The following SP140 variants were observed in gnomAD, a reference collection of about 807,000 sequenced individuals.
SP140 encodes the protein SP140 nuclear body protein.
A neutral mutation model predicts 125.0 loss-of-function variants in SP140; 81 were observed. The observed-to-expected ratio is 0.65, with a 90% CI of 0.54 to 0.78. The LOEUF is 0.78. Ranked by LOEUF, SP140 falls within the 30% of genes least tolerant of loss-of-function variation. The pLI is 0.00. For missense variants in SP140, 858 were observed against 1,037.0 expected (o/e 0.83, Z 2.37); for synonymous variants, 312 against 354.0 (o/e 0.88, Z 1.33).
intron 12 of SP140, among the ~76,000 whole-genome samples, chr2:230,258,596 T>C (rs2051648530): frequency 6.6e-6 from 1 of 152,234 alleles, no homozygotes; most frequent in African/African-American, 2.4e-5. Flanking sequence ...ATTATAGCAT[T>C]CTGGTTTTAG....
At chr2:230,212,766 G>A in intron 1 of SP140, 1 of 1,614,134 alleles carries the variant, frequency 6.2e-7, no homozygotes, top group Non-Finnish European at 8.5e-7. Flanking sequence ...CTCACCTGAA[G>A]TGCTTCTTCC....
chr2:230,255,332 G>T, intron 11 of SP140, 120 bp from the exon 12 acceptor site: 4 of 1,132,580 alleles, frequency 3.5e-6, no homozygotes, highest in Non-Finnish European at 5.2e-6. Flanking sequence ...GAGGACCTGG[G>T]TGGGGGACAG....
intron 12 of SP140, among the ~76,000 whole-genome samples, chr2:230,257,130 A>G (rs199868975): frequency 8.5e-5 from 13 of 152,246 alleles, no homozygotes; most frequent in African/African-American, 1.4e-4. Flanking sequence ...TCTGAGTCCA[A>G]TGTGGATGCC....
At chr2:230,299,086 G>C (rs1160186659) in intron 22 of SP140, among the ~76,000 whole-genome samples, 1 of 152,208 alleles carries the variant, frequency 6.6e-6, no homozygotes, top group African/African-American at 2.4e-5. Flanking sequence ...TAGGAGGCAG[G>C]ACTAACTTGC....
In SP140 at chr2:230,251,049, A is replaced by G; in HGVS notation, c.1045A>G (p.Arg349Gly). 1 of 1,613,374 alleles carries G rather than the reference A, an allele frequency of 6.2e-7. No individual in the cohort carries two copies. The highest frequency in any genetic ancestry group is 8.5e-7 in the Non-Finnish European group (1 of 1,179,754). ...CCAGGAAGCCTCTAGCTCCCTAGCAAGATGTGGGTCAGGTAAAGAAGGGGA... is the reference window on the plus strand; with the variant it reads ...CCAGGAAGCCTCTAGCTCCCTAGCAGGATGTGGGTCAGGTAAAGAAGGGGA... ...EPQEASSSLA[R>G]CGSVSCLSAE... is the part of the protein sequence containing the mutation. Residue 349 changes from arginine to glycine, a missense_variant, in exon 10 of 27, where the codon AGA becomes GGA. Arg to Gly is a moderately radical substitution (Grantham distance 125). This residue lies in a region of SP140 where 791 missense variants were observed against 869.5 expected (regional missense o/e 0.91). Transcript: ENST00000392045.
intron 3 of SP140, 102 bp downstream of exon 3, chr2:230,238,483 A>T: frequency 1.7e-6 from 2 of 1,151,550 alleles, no homozygotes; most frequent in South Asian, 1.4e-5. Flanking sequence ...TGACTGAGTG[A>T]CTATTACATG....
chr2:230,210,293 A>G (rs41552220), intron 1 of SP140, among the ~76,000 whole-genome samples: 6,210 of 152,280 alleles, frequency 0.041, 297 homozygotes, highest in African/African-American at 0.12. Context: ...TGAGTGAAGA[A>G]GGTGCAATGA....
intron 15 of SP140, among the ~76,000 whole-genome samples, chr2:230,277,703 CT>C (rs1424561843): frequency 2.6e-5 from 4 of 152,068 alleles, no homozygotes; most frequent in Non-Finnish European, 5.9e-5. Flanking sequence ...ATTTGGAATA[CT>C]TTTTAATGTT....
chr2:230,263,821 G>A (rs187651292), intron 12 of SP140, among the ~76,000 whole-genome samples: 67 of 152,280 alleles, frequency 4.4e-4, no homozygotes, highest in African/African-American at 1.6e-3. Flanking sequence ...GTCTTATATG[G>A]TTTCTGCCAA....
At chr2:230,254,982 C>G (rs956604538) in intron 11 of SP140, among the ~76,000 whole-genome samples, 5 of 152,152 alleles carry the variant, frequency 3.3e-5, no homozygotes, top group Admixed American at 3.3e-4. Flanking sequence ...TTTCCACTAT[C>G]CCAGGAATGC....
intron 22 of SP140, among the ~76,000 whole-genome samples, chr2:230,299,556 C>A (rs528972769): frequency 3.3e-5 from 5 of 152,248 alleles, no homozygotes; most frequent in African/African-American, 9.6e-5. Flanking sequence ...TCCAGCTGAA[C>A]TTTGTAATAA....
At chr2:230,258,008 A>G (rs1393292803) in intron 12 of SP140, among the ~76,000 whole-genome samples, 1 of 152,094 alleles carries the variant, frequency 6.6e-6, no homozygotes, top group Non-Finnish European at 1.5e-5. Context: ...TTTCAGAAGC[A>G]TGGGGAAGTC....
the SP140 span, among the ~76,000 whole-genome samples, chr2:230,187,844 G>T: frequency 6.6e-6 from 1 of 152,084 alleles, no homozygotes; most frequent in African/African-American, 2.4e-5. Flanking sequence ...CTGTTCCATT[G>T]GTCGATGTAT....
Position 230,268,663 on chromosome 2 carries a change from T to A in SP140, c.1241-869T>A, listed in dbSNP as rs140504373. 9.2e-4 allele frequency among the ~76,000 whole-genome samples: 140 copies of A among 152,312 alleles called. 1 individual carries two copies. Among genetic ancestry groups the A allele is most frequent in the African/African-American group, 3.0e-3 (123 of 41,574 alleles). On this transcript the variant is annotated intron_variant, in intron 12 of 26. Coordinates refer to ENST00000392045, the MANE Select transcript of SP140 (RefSeq NM_007237.5). The stretch of plus-strand genomic sequence containing the variant: ...CTGAAAATATCTAATTGTATCTAAT[T>A]GTATACCCATGTTTAAATAAGATAA...
intron 10 of SP140, 64 bp from the exon 11 acceptor site, chr2:230,253,252 T>C: frequency 8.4e-7 from 1 of 1,187,194 alleles, no homozygotes; most frequent in Non-Finnish European, 1.3e-6. Context: ...CTTAGCATTT[T>C]CCCATCTTGG....
At chr2:230,292,540 G>C (rs2057247525) in intron 19 of SP140, 106 bp from the exon 20 acceptor site, 2 of 1,443,186 alleles carry the variant, frequency 1.4e-6, no homozygotes, top group African/African-American at 1.4e-5. Flanking sequence ...TCCTGCTATT[G>C]ATCTGCATCA....
chr2:230,254,297 C>A (rs2050817386), intron 11 of SP140, among the ~76,000 whole-genome samples: 1 of 152,186 alleles, frequency 6.6e-6, no homozygotes. Context: ...CAACATCCAG[C>A]AAACGGCACC....
In SP140 at chr2:230,284,354, A is replaced by T. The variant is rs2056068829; in HGVS notation, c.1507A>T (p.Arg503Trp). Reference protein sequence around the residue: ...GKPKRKRRKKRGHGWSRMRMR... With the variant: ...GKPKRKRRKKWGHGWSRMRMR... Reference sequence around the variant, plus strand: ...TTCTCTTTGGTTTGAAGGAAAAAAGAGGGGGCATGGCTGGAGCAGAATGAG... The same window carrying T: ...TTCTCTTTGGTTTGAAGGAAAAAAGTGGGGGCATGGCTGGAGCAGAATGAG... The change falls in exon 16 of 27, where the codon AGG (arginine) becomes TGG (tryptophan). Residue 503 changes from arginine (R) to tryptophan (W), a missense_variant. Arg to Trp is a moderately radical substitution (Grantham distance 101). This residue lies in a region of SP140 where 791 missense variants were observed against 869.5 expected (regional missense o/e 0.91). Transcript: ENST00000392045. The T allele has an allele frequency of 3.1e-6, 5 of 1,605,298 alleles. No homozygotes were observed. The East Asian group carries it at 1.1e-4, about 36-fold the overall frequency.
chr2:230,212,704 T>C (rs1201939097), intron 1 of SP140: 30 of 1,604,624 alleles, frequency 1.9e-5, no homozygotes, highest in Middle Eastern at 1.9e-4. Context: ...GGCGGCAACA[T>C]GGCACAGGCA....
Sources: gnomAD v4.1 joint callset for allele counts (sites outside exome capture counted in the v4.1 genomes callset) on GRCh38, gnomAD v4.1.1 for gene constraint, gnomAD v4.1.1 regional missense constraint, MANE v1.5 for transcripts, NCBI Gene and HGNC (gene_info 2026-07-23, HGNC 2026-07-21) for gene names.